Variants in PSMG2 observed in about 807,000 individuals in gnomAD.
PSMG2 encodes the protein proteasome assembly chaperone 2, also known as CD40 ligand-activated specific transcript 3.
A neutral mutation model predicts 31.5 loss-of-function variants in PSMG2; 21 were observed. That is an observed-to-expected ratio of 0.67 (90% CI 0.47 to 0.96). The LOEUF (loss-of-function observed/expected upper bound fraction) is 0.96. PSMG2 is among the 40% of genes least tolerant of loss of function. The probability of loss-of-function intolerance (pLI) is 0.00; values close to 1 mark genes in which losing one functional copy is unlikely to be tolerated. For synonymous variants in PSMG2, 120 were observed against 110.4 expected, an observed-to-expected ratio of 1.09 and a Z score of -0.54; for missense variants, 318 against 321.2, an observed-to-expected ratio of 0.99 and a Z score of 0.08.
chr18:12,710,132 C>T (rs376929116), intron 2 of PSMG2, among the ~76,000 whole-genome samples: 91 of 151,492 alleles, frequency 6.0e-4, no homozygotes, highest in African/African-American at 1.9e-3. Context: ...TTTAGTAAGA[C>T]GGGGTTTCAC....
At chr18:12,708,555 A>C (rs950770847) in intron 2 of PSMG2, among the ~76,000 whole-genome samples, 1 of 151,004 alleles carries the variant, frequency 6.6e-6, no homozygotes, top group Non-Finnish European at 1.5e-5. Context: ...GTAGAGACGG[A>C]GTTTCTCCAT....
chr18:12,718,752 A>T (rs2040401960), intron 4 of PSMG2, 117 bp downstream of exon 4: 1 of 653,608 alleles, frequency 1.5e-6, no homozygotes, highest in South Asian at 3.0e-5. Flanking sequence ...ACTGGAGTTT[A>T]GAAAGAGGGG....
chr18:12,686,096 G>C, intron 1 of PSMG2: 1 of 491,472 alleles, frequency 2.0e-6, no homozygotes, highest in Non-Finnish European at 3.5e-6. Context: ...TTTTACTTTT[G>C]TAAGTATTTT....
chr18:12,685,990 C>A (rs2039526997), intron 1 of PSMG2: 1 of 271,992 alleles, frequency 3.7e-6, no homozygotes, highest in Non-Finnish European at 7.0e-6. Flanking sequence ...TTTAAATCAC[C>A]TCTAAATTGT....
At chr18:12,704,541 A>G (rs1043567857) in intron 1 of PSMG2, among the ~76,000 whole-genome samples, 1 of 152,064 alleles carries the variant, frequency 6.6e-6, no homozygotes, top group Non-Finnish European at 1.5e-5. Context: ...GTGAGCTGAA[A>G]TCGTGCCACT....
chr18:12,689,060 G>T (rs2039652487), intron 1 of PSMG2, among the ~76,000 whole-genome samples: 3 of 152,168 alleles, frequency 2.0e-5, no homozygotes, highest in African/African-American at 7.2e-5. Flanking sequence ...GTTGCAGTGA[G>T]CCAAGATCGC....
chr18:12,712,207 C>A (rs1163830515), intron 2 of PSMG2, among the ~76,000 whole-genome samples: 1 of 152,142 alleles, frequency 6.6e-6, no homozygotes, highest in Admixed American at 6.6e-5. Flanking sequence ...TATTTCAGAT[C>A]CTTTAAAAAG....
upstream of PSMG2, chr18:12,699,289 G>A (rs1892998482): frequency 4.3e-6 from 4 of 931,486 alleles, no homozygotes; most frequent in Non-Finnish European, 6.5e-6. Context: ...AAACTTGACA[G>A]ATAAAAACCC....
At chr18:12,711,227 G>A (rs920125495) in intron 2 of PSMG2, among the ~76,000 whole-genome samples, 2 of 151,960 alleles carry the variant, frequency 1.3e-5, no homozygotes, top group African/African-American at 4.8e-5. Flanking sequence ...AGCCGATATC[G>A]CACCACTGCA....
At position 12,706,638 on chromosome 18, in the gene PSMG2, C is replaced by A. The variant is rs1277065305; in HGVS notation, c.146C>A (p.Thr49Asn). 6.2e-7 allele frequency: 1 copy of A among 1,614,038 alleles called. No individual in the cohort carries two copies. The highest frequency in any genetic ancestry group is 2.2e-5 in the East Asian group (1 of 44,862). The change falls in exon 2 of 7, where the codon ACC (threonine) becomes AAC (asparagine). Residue 49 changes from threonine to asparagine, a missense_variant. Physicochemically the swap from Thr to Asn is moderately conservative, Grantham distance 65. Coordinates refer to ENST00000317615, the MANE Select transcript of PSMG2 (RefSeq NM_020232.5). ...LNMSKIGYFY[T>N]DCLVPMVGNN... ...ATGTCTAAGATTGGTTACTTCTATACCGATTGTCTTGTGCCAATGGTTGGA... is the reference window on the plus strand; with the variant it reads ...ATGTCTAAGATTGGTTACTTCTATAACGATTGTCTTGTGCCAATGGTTGGA...
intron 1 of PSMG2, among the ~76,000 whole-genome samples, chr18:12,666,690 C>A (rs572216135): frequency 5.0e-4 from 76 of 151,708 alleles, no homozygotes; most frequent in African/African-American, 1.8e-3. Flanking sequence ...CTCAATTGAT[C>A]TACCTGCCTT....
rs770177339 is a variant in PSMG2 at position 12,678,444 on chromosome 18, T to TA, written c.-37+19678dup. ...GGATTGGTAGGTTTATGGATGTACC[T>TA]AAAAAAATTAAATAATTTTATATAT... On this transcript the variant is annotated intron_variant, in intron 1 of 6. Coordinates refer to the PSMG2 transcript ENST00000585331. 6 of 1,552,284 alleles carry TA rather than the reference T, an allele frequency of 3.9e-6. No homozygotes were observed. The East Asian group carries it at 6.8e-5, about 18-fold the overall frequency.
At chr18:12,665,738 C>G (rs1033149833) in intron 1 of PSMG2, among the ~76,000 whole-genome samples, 2 of 152,108 alleles carry the variant, frequency 1.3e-5, no homozygotes, top group African/African-American at 2.4e-5. Context: ...GCTCTTGTCA[C>G]CCAGACTGGA....
chr18:12,712,440 G>GAAAATTATTT (rs2040340639), intron 2 of PSMG2, among the ~76,000 whole-genome samples: 1 of 152,098 alleles, frequency 6.6e-6, no homozygotes, highest in Admixed American at 6.5e-5. Context: ...TGCAGTTAAA[G>GAAAATTATTT]TCAAAAGAAA....
At chr18:12,674,808 C>CGTTGGTTTT (rs1418174193) in intron 1 of PSMG2, 1 of 1,119,174 alleles carries the variant, frequency 8.9e-7, no homozygotes, top group Non-Finnish European at 1.3e-6. Flanking sequence ...TTTTTAAAAC[C>CGTTGGTTTT]AACTAAATAA....
intron 1 of PSMG2, among the ~76,000 whole-genome samples, chr18:12,680,360 C>T (rs1309514077): frequency 6.6e-6 from 1 of 152,072 alleles, no homozygotes; most frequent in Non-Finnish European, 1.5e-5. Flanking sequence ...CTTTGGGAGG[C>T]TGAGGTAGGT....
chr18:12,697,801 A>G (rs887409815), intron 1 of PSMG2, among the ~76,000 whole-genome samples: 3 of 151,388 alleles, frequency 2.0e-5, no homozygotes, highest in African/African-American at 7.2e-5. Context: ...TATAATTGAC[A>G]TACAACTGAA....
chr18:12,659,476 G>T (rs543170938), intron 1 of PSMG2, among the ~76,000 whole-genome samples: 1 of 152,100 alleles, frequency 6.6e-6, no homozygotes, highest in African/African-American at 2.4e-5. Context: ...AGACCAGCCT[G>T]GCCAACATGG....
intron 1 of PSMG2, among the ~76,000 whole-genome samples, chr18:12,660,947 C>T (rs1211030146): frequency 2.0e-5 from 3 of 152,194 alleles, no homozygotes; most frequent in African/African-American, 7.2e-5. Flanking sequence ...AACATGAACA[C>T]TTGACTCTTT....
Sources: gnomAD v4.1 joint callset for allele counts (sites outside exome capture counted in the v4.1 genomes callset) on GRCh38, gnomAD v4.1.1 for gene constraint, MANE v1.5 for transcripts, NCBI Gene and HGNC (gene_info 2026-07-23, HGNC 2026-07-21) for gene names.